ROBO2: variants seen among roughly 807,000 people sequenced by gnomAD.
ROBO2 encodes the protein roundabout guidance receptor 2, also known as roundabout homolog 2.
In ROBO2, 53 loss-of-function variants were observed where a neutral mutation model predicts 160.8. The observed-to-expected ratio is 0.33, with a 90% CI of 0.26 to 0.41. ROBO2 has a LOEUF of 0.41. Ranked by LOEUF, ROBO2 falls within the 10% of genes least tolerant of loss-of-function variation. The probability of loss-of-function intolerance (pLI) is 1.00; values close to 1 mark genes in which losing one functional copy is unlikely to be tolerated. For synonymous variants in ROBO2, 664 were observed against 611.7 expected (o/e 1.09, Z -1.26); for missense variants, 1,577 against 1,722.4 (o/e 0.92, Z 1.49).
At chr3:77,089,489 T>TA (rs2069829545) in intron 1 of ROBO2, among the ~76,000 whole-genome samples, 1 of 152,198 alleles carries the variant, frequency 6.6e-6, no homozygotes, top group Non-Finnish European at 1.5e-5. Context: ...TTTCACACTA[T>TA]AAGCCCTTTA....
At chr3:77,005,505 G>A (rs1299669262) in intron 2 of ROBO2, among the ~76,000 whole-genome samples, 3 of 152,172 alleles carry the variant, frequency 2.0e-5, no homozygotes, top group Admixed American at 2.0e-4. Context: ...GCTTCAAAAT[G>A]GGCTTTATGT....
In ROBO2 at chr3:77,376,154, C is replaced by CTTT. The variant is rs11425201; in HGVS notation, c.389-101242_389-101240dup. On this transcript the variant is annotated intron_variant, in intron 2 of 25. Coordinates refer to ENST00000461745, the Ensembl canonical transcript of ROBO2. ...AACATTACAATAGGCATTTAACTTTCTTTTTTTTTTTTTTTTTTTTGACAG... is the reference window on the plus strand; with the variant it reads ...AACATTACAATAGGCATTTAACTTTCTTTTTTTTTTTTTTTTTTTTTTTGACAG... 1.8e-3 allele frequency among the ~76,000 whole-genome samples: 203 copies of CTTT among 115,534 alleles called. 8 individuals carry two copies. Among genetic ancestry groups the CTTT allele is most frequent in the African/African-American group, 3.8e-3 (112 of 29,568 alleles). 75.8% of individuals were successfully genotyped at this position (115,534 alleles called of 152,430 possible).
At chr3:77,638,903 T>C (rs977151404) in intron 24 of ROBO2, among the ~76,000 whole-genome samples, 1 of 138,460 alleles carries the variant, frequency 7.2e-6, no homozygotes, top group African/African-American at 2.7e-5. Context: ...CTCAGCTCAC[T>C]GTAACTCCCA....
chr3:76,825,497 C>G (rs918601254), intron 2 of ROBO2, among the ~76,000 whole-genome samples: 43 of 149,834 alleles, frequency 2.9e-4, no homozygotes, highest in African/African-American at 1.1e-3. Context: ...GTTTTAATAA[C>G]CCTCAGCAAA....
chr3:77,485,366 G>A (rs2085222249), intron 4 of ROBO2, among the ~76,000 whole-genome samples: 1 of 152,096 alleles, frequency 6.6e-6, no homozygotes, highest in Non-Finnish European at 1.5e-5. Flanking sequence ...AGCATCTCAT[G>A]ATGCTCTTGA....
At chr3:75,961,192 CT>C (rs927134423) in intron 2 of ROBO2, among the ~76,000 whole-genome samples, 14 of 151,416 alleles carry the variant, frequency 9.2e-5, no homozygotes, top group Admixed American at 5.3e-4. Context: ...GAGAATGGCA[CT>C]TTTTTTTATT....
chr3:76,851,764 A>AATATATATAAATATATATATATATAT, intron 2 of ROBO2, among the ~76,000 whole-genome samples: 1 of 137,090 alleles, frequency 7.3e-6, no homozygotes, highest in East Asian at 2.6e-4. Context: ...AAAAAAAAAA[A>AATATATATAAATATATATATATATAT]ATATTAACAT....
At chr3:76,089,937 C>A (rs2069163750) in intron 2 of ROBO2, among the ~76,000 whole-genome samples, 1 of 152,008 alleles carries the variant, frequency 6.6e-6, no homozygotes, top group Non-Finnish European at 1.5e-5. Context: ...CAAAAGAATT[C>A]TCAGAAAAAC....
At chr3:77,548,218 TACA>T (rs2092779350) in intron 7 of ROBO2, among the ~76,000 whole-genome samples, 2 of 151,944 alleles carry the variant, frequency 1.3e-5, no homozygotes, top group South Asian at 2.1e-4. Context: ...TTATAAATTG[TACA>T]ACTTTTGTAG....
intron 2 of ROBO2, among the ~76,000 whole-genome samples, chr3:76,740,908 T>TA (rs1273094539): frequency 6.6e-6 from 1 of 152,126 alleles, no homozygotes; most frequent in African/African-American, 2.4e-5. Context: ...TGGGTGTTTA[T>TA]AAAATCTTTG....
intron 2 of ROBO2, among the ~76,000 whole-genome samples, chr3:77,187,111 T>C (rs1438005932): frequency 2.6e-5 from 4 of 151,966 alleles, no homozygotes; most frequent in Admixed American, 2.6e-4. Flanking sequence ...TCCTTCATTG[T>C]AAAAAGCTAA....
At chr3:76,542,133 C>A (rs148379888) in intron 2 of ROBO2, among the ~76,000 whole-genome samples, 218 of 152,204 alleles carry the variant, frequency 1.4e-3, no homozygotes, top group African/African-American at 5.1e-3. Context: ...CCTCTACCCT[C>A]ATTTTCTTTT....
chr3:76,591,869 G>A (rs955133831), intron 2 of ROBO2, among the ~76,000 whole-genome samples: 1 of 151,968 alleles, frequency 6.6e-6, no homozygotes, highest in Admixed American at 6.6e-5. Context: ...AATTGAAAGT[G>A]TTTTGGAATT....
intron 2 of ROBO2, among the ~76,000 whole-genome samples, chr3:76,823,786 C>G (rs779325232): frequency 3.3e-5 from 5 of 151,866 alleles, no homozygotes; most frequent in African/African-American, 1.2e-4. Flanking sequence ...GGGGAGATAA[C>G]GGAATAATAT....
intron 2 of ROBO2, among the ~76,000 whole-genome samples, chr3:76,875,631 C>G (rs1459286510): frequency 6.6e-6 from 1 of 152,014 alleles, no homozygotes; most frequent in Non-Finnish European, 1.5e-5. Flanking sequence ...TATCATACTT[C>G]CTTTTTGGAT....
exon 1 of ROBO2, chr3:77,040,212 C>T (rs1430785357): frequency 1.6e-5 from 16 of 986,626 alleles, no homozygotes; most frequent in Admixed American, 6.1e-5. Context: ...CCCGCCAAGT[C>T]TGCCCGCCTG....
intron 2 of ROBO2, among the ~76,000 whole-genome samples, chr3:75,940,912 C>A (rs372140725): frequency 6.6e-6 from 1 of 152,012 alleles, no homozygotes; most frequent in Non-Finnish European, 1.5e-5. Flanking sequence ...GGAGTGCCAG[C>A]AGCAGTTATT....
chr3:76,731,822 C>A (rs1162902149), intron 2 of ROBO2, among the ~76,000 whole-genome samples: 1 of 152,120 alleles, frequency 6.6e-6, no homozygotes, highest in Non-Finnish European at 1.5e-5. Context: ...TTCATGGGGA[C>A]TCTATTTTGA....
chr3:77,105,777 G>A (rs1263447413), intron 2 of ROBO2, among the ~76,000 whole-genome samples: 1 of 152,072 alleles, frequency 6.6e-6, no homozygotes, highest in African/African-American at 2.4e-5. Flanking sequence ...TCCCAGGAAA[G>A]CACATAAATG....
Sources: allele counts gnomAD v4.1 joint callset (sites outside exome capture counted in the v4.1 genomes callset), GRCh38; gene constraint gnomAD v4.1.1; transcripts MANE v1.5; gene names NCBI Gene and HGNC (gene_info 2026-07-23, HGNC 2026-07-21).